MOK: variants seen among roughly 807,000 people sequenced by gnomAD.
The protein encoded by MOK is MOK protein kinase, also known as MAPK/MAK/MRK overlapping kinase.
Under a neutral mutation model 54.2 loss-of-function variants are expected in MOK, and 59 were observed. That is an observed-to-expected ratio of 1.09 (90% CI 0.88 to 1.35). The LOEUF is 1.35. Among genes scored for constraint, MOK ranks in the 40% most tolerant of loss-of-function variants. The probability of loss-of-function intolerance (pLI) is 0.00; values close to 1 mark genes in which losing one functional copy is unlikely to be tolerated. For synonymous variants in MOK, 210 were observed against 202.7 expected (o/e 1.04, Z -0.31); for missense variants, 517 against 526.2 (o/e 0.98, Z 0.17).
chr14:102,304,072 AT>A (rs1327784676), intron 1 of MOK, among the ~76,000 whole-genome samples: 1 of 152,248 alleles, frequency 6.6e-6, no homozygotes, highest in Non-Finnish European at 1.5e-5. Flanking sequence ...ATCCAACAAA[AT>A]AAAATAAAAA....
chr14:102,304,917 G>T, intron 1 of MOK, 45 bp downstream of exon 1: 2 of 401,504 alleles, frequency 5.0e-6, no homozygotes, highest in Non-Finnish European at 8.2e-6. Flanking sequence ...TCCCTCCCCC[G>T]CCACTCGCTC....
rs936895808 is a variant in MOK at position 102,229,178 on chromosome 14, C to T, written c.*111G>A. 4.0e-5 allele frequency: 48 copies of T among 1,195,172 alleles called. No homozygotes were observed. Among genetic ancestry groups the T allele is most frequent in the Middle Eastern group, 2.9e-4 (1 of 3,460 alleles). The allele number at this position is 1,195,172 out of a possible 1,614,324, so 74.0% of individuals were successfully genotyped here. A position where few individuals can be genotyped will look rare whatever the true frequency, so the allele number is the denominator to read the frequency against. ...ACCCAGAGCCCCGGCCAGCGCGAAA[C>T]GGACGCAGGCGCATCCCCAGCCCTC... On this transcript the variant is annotated 3_prime_UTR_variant, in exon 12 of 12. Coordinates refer to ENST00000361847, the MANE Select transcript of MOK (RefSeq NM_014226.3).
intron 2 of MOK, among the ~76,000 whole-genome samples, chr14:102,281,181 G>A (rs558398023): frequency 6.6e-5 from 10 of 152,024 alleles, no homozygotes; most frequent in East Asian, 5.8e-4. Context: ...AAAATTAGCC[G>A]AGTGCTGTGA....
intron 2 of MOK, among the ~76,000 whole-genome samples, chr14:102,279,304 T>C (rs1597509068): frequency 6.6e-6 from 1 of 152,142 alleles, no homozygotes; most frequent in South Asian, 2.1e-4. Context: ...GTTGTTGTTG[T>C]TGTTGTTTGA....
intron 4 of MOK, among the ~76,000 whole-genome samples, chr14:102,254,438 C>G (rs2066769378): frequency 2.0e-5 from 3 of 152,180 alleles, no homozygotes; most frequent in Admixed American, 2.0e-4. Context: ...AAATTAATAT[C>G]TATAACAGAT....
chr14:102,225,034 C>A, downstream of MOK: 1 of 321,882 alleles, frequency 3.1e-6, no homozygotes, highest in South Asian at 2.6e-5. Context: ...ATTTGGAAGG[C>A]AGAAGGAACT....
chr14:102,248,043 A>G (rs1055227214), intron 7 of MOK, among the ~76,000 whole-genome samples: 1 of 152,230 alleles, frequency 6.6e-6, no homozygotes, highest in Non-Finnish European at 1.5e-5. Context: ...AACAGCTCCA[A>G]GAACGGCAGT....
chr14:102,214,638 G>A, the MOK span: 8 of 984,752 alleles, frequency 8.1e-6, no homozygotes, highest in Non-Finnish European at 9.6e-6. Flanking sequence ...GTTATGTTAG[G>A]CGACACTGTA....
At chr14:102,276,713 C>T (rs1195126838) in intron 2 of MOK, among the ~76,000 whole-genome samples, 6 of 151,204 alleles carry the variant, frequency 4.0e-5, no homozygotes, top group African/African-American at 1.5e-4. Context: ...ATCACTTGAA[C>T]CCAGGAGGCG....
At chr14:102,281,577 G>A (rs1273066895) in intron 2 of MOK, among the ~76,000 whole-genome samples, 1 of 149,228 alleles carries the variant, frequency 6.7e-6, no homozygotes, top group East Asian at 1.9e-4. Flanking sequence ...TTGGGTCAAA[G>A]GTGGCTGTTT....
At chr14:102,262,729 A>G (rs1449645392) in intron 4 of MOK, among the ~76,000 whole-genome samples, 1 of 152,242 alleles carries the variant, frequency 6.6e-6, no homozygotes, top group Non-Finnish European at 1.5e-5. Context: ...ATTGTAAGAT[A>G]ATACACCATC....
intron 2 of MOK, among the ~76,000 whole-genome samples, chr14:102,268,784 G>A (rs1219406225): frequency 9.2e-5 from 14 of 151,956 alleles, no homozygotes; most frequent in South Asian, 2.1e-4. Context: ...GGATGGTGGC[G>A]GGTGCCTGTA....
intron 2 of MOK, among the ~76,000 whole-genome samples, chr14:102,271,031 A>G (rs1251475754): frequency 6.6e-6 from 1 of 152,140 alleles, no homozygotes; most frequent in Non-Finnish European, 1.5e-5. Flanking sequence ...ATCTCTACTA[A>G]AAATACAAAA....
In MOK at chr14:102,255,083, G is replaced by A. The variant is rs953224082; in HGVS notation, c.284-3088C>T. Among the ~76,000 whole-genome samples, 5 of 152,324 alleles carry A rather than the reference G, an allele frequency of 3.3e-5. No individual in the cohort carries two copies. The South Asian group carries it at 6.2e-4, about 19-fold the overall frequency. On this transcript the variant is annotated intron_variant, in intron 4 of 11. Coordinates refer to ENST00000361847, the MANE Select transcript of MOK (RefSeq NM_014226.3). Reference sequence around the variant, plus strand: ...GCCTGTAATCCCAGCACTTTGGGAGGCTGAGGCAGGCGGATCACGAGGTCC... The same window carrying A: ...GCCTGTAATCCCAGCACTTTGGGAGACTGAGGCAGGCGGATCACGAGGTCC...
intron 1 of MOK, among the ~76,000 whole-genome samples, chr14:102,285,462 T>C (rs1272663328): frequency 1.3e-5 from 2 of 152,242 alleles, no homozygotes; most frequent in East Asian, 3.8e-4. Context: ...GTCTGAATTC[T>C]GATTTGAACA....
chr14:102,258,729 C>G (rs574978557), intron 4 of MOK, among the ~76,000 whole-genome samples: 14 of 152,338 alleles, frequency 9.2e-5, no homozygotes, highest in Middle Eastern at 3.4e-3. Context: ...AATTCCTTTT[C>G]TCTTATGATA....
intron 2 of MOK, among the ~76,000 whole-genome samples, chr14:102,271,629 G>A (rs368117346): frequency 1.3e-5 from 2 of 151,948 alleles, no homozygotes; most frequent in African/African-American, 4.8e-5. Flanking sequence ...CGCAACCTCG[G>A]CTCACTGCAA....
chr14:102,260,708 C>A (rs1383516339), intron 4 of MOK: 1 of 152,116 alleles, frequency 6.6e-6, no homozygotes, highest in African/African-American at 2.4e-5. Context: ...GAATGGAGGT[C>A]TACTGCGAGG....
chr14:102,286,908 T>A (rs1397157739), intron 1 of MOK, among the ~76,000 whole-genome samples: 2 of 131,490 alleles, frequency 1.5e-5, no homozygotes, highest in Non-Finnish European at 3.1e-5. Flanking sequence ...AGACTCCGTC[T>A]CAAAAATAAT....
Sources: gnomAD v4.1 joint callset for allele counts (sites outside exome capture counted in the v4.1 genomes callset) on GRCh38, gnomAD v4.1.1 for gene constraint, MANE v1.5 for transcripts, NCBI Gene and HGNC (gene_info 2026-07-23, HGNC 2026-07-21) for gene names.